ELOC: variants seen among roughly 807,000 people sequenced by gnomAD.
ELOC encodes elongin-C.
For synonymous variants in ELOC, 40 were observed against 51.3 expected (o/e 0.78, Z 0.94); for missense variants, 38 against 139.0 (o/e 0.27, Z 3.65).
At chr8:73,957,300 G>C (rs187656250) in intron 2 of ELOC, among the ~76,000 whole-genome samples, 10 of 152,198 alleles carry the variant, frequency 6.6e-5, no homozygotes, top group African/African-American at 2.4e-4. Context: ...AGAGTGCACA[G>C]ATGTTACTCT....
chr8:73,947,740 A>G (rs1813475167), intron 3 of ELOC, among the ~76,000 whole-genome samples: 1 of 151,726 alleles, frequency 6.6e-6, no homozygotes, highest in African/African-American at 2.4e-5. Flanking sequence ...ATGTCTGGAT[A>G]ATTCTTGTAT....
chr8:73,954,809 A>G (rs1319114543), intron 3 of ELOC, among the ~76,000 whole-genome samples: 1 of 151,930 alleles, frequency 6.6e-6, no homozygotes, highest in African/African-American at 2.4e-5. Context: ...AGGCGGGTGC[A>G]CTGCCTGAGG....
At chr8:73,950,946 C>T (rs1425229500) in intron 3 of ELOC, among the ~76,000 whole-genome samples, 1 of 152,080 alleles carries the variant, frequency 6.6e-6, no homozygotes, top group African/African-American at 2.4e-5. Flanking sequence ...TGAAATACTC[C>T]AAAAAAGTAG....
At chr8:73,963,074 G>C (rs989597447) in intron 1 of ELOC, among the ~76,000 whole-genome samples, 3 of 152,162 alleles carry the variant, frequency 2.0e-5, no homozygotes, top group African/African-American at 4.8e-5. Flanking sequence ...AATAGTTCTA[G>C]GCAGAAGAAA....
chr8:73,954,800 G>A (rs917696219), intron 3 of ELOC, among the ~76,000 whole-genome samples: 3 of 151,934 alleles, frequency 2.0e-5, no homozygotes, highest in East Asian at 3.9e-4. Context: ...GGGAGGCTGA[G>A]GCGGGTGCAC....
chr8:73,971,747 G>C (rs963923597), intron 1 of ELOC: 1 of 151,924 alleles, frequency 6.6e-6, no homozygotes, highest in Non-Finnish European at 1.5e-5. Flanking sequence ...CGGACACGAG[G>C]AACAAGCAGA....
intron 1 of ELOC, among the ~76,000 whole-genome samples, chr8:73,967,305 T>C (rs1815054495): frequency 6.6e-6 from 1 of 152,052 alleles, no homozygotes; most frequent in Admixed American, 6.6e-5. Flanking sequence ...AAAATAAGTA[T>C]TTTTTGCTTA....
intron 3 of ELOC, among the ~76,000 whole-genome samples, chr8:73,950,860 C>T (rs1813706539): frequency 2.0e-5 from 3 of 152,150 alleles, no homozygotes; most frequent in Admixed American, 6.5e-5. Context: ...AATGGCCTGC[C>T]TGGAAATAAA....
chr8:73,959,354 G>A (rs1359509760), intron 2 of ELOC, among the ~76,000 whole-genome samples: 1 of 152,130 alleles, frequency 6.6e-6, no homozygotes, highest in East Asian at 1.9e-4. Flanking sequence ...GACTATAAGC[G>A]TGAGCCACTG....
intron 3 of ELOC, among the ~76,000 whole-genome samples, chr8:73,949,943 G>C (rs1032488460): frequency 1.3e-5 from 2 of 151,952 alleles, no homozygotes; most frequent in Non-Finnish European, 2.9e-5. Flanking sequence ...GCATTGTCCT[G>C]TGGAAAAGCC....
intron 1 of ELOC, among the ~76,000 whole-genome samples, chr8:73,962,984 T>C (rs1814707002): frequency 6.6e-6 from 1 of 152,218 alleles, no homozygotes; most frequent in Non-Finnish European, 1.5e-5. Flanking sequence ...AGCTTGAACA[T>C]GTATTCCATC....
chr8:73,963,515 T>C (rs1170122042), intron 1 of ELOC, among the ~76,000 whole-genome samples: 2 of 152,226 alleles, frequency 1.3e-5, no homozygotes, highest in African/African-American at 4.8e-5. Context: ...TAAGTTGATT[T>C]TGCATCCCGT....
intron 3 of ELOC, among the ~76,000 whole-genome samples, chr8:73,950,243 C>T (rs1211792615): frequency 1.3e-5 from 2 of 152,082 alleles, no homozygotes; most frequent in Non-Finnish European, 2.9e-5. Context: ...CTCTTTCTGA[C>T]ATAAAAATGA....
At chr8:73,957,166 C>A (rs1814248028) in intron 2 of ELOC, among the ~76,000 whole-genome samples, 1 of 138,056 alleles carries the variant, frequency 7.2e-6, no homozygotes, top group Non-Finnish European at 1.6e-5. Flanking sequence ...GAGAAAGACC[C>A]TGTCTCAAAA....
At chr8:73,951,511 G>A (rs1057003431) in intron 3 of ELOC, among the ~76,000 whole-genome samples, 1 of 151,962 alleles carries the variant, frequency 6.6e-6, no homozygotes, top group African/African-American at 2.4e-5. Context: ...TTTAAAAAAA[G>A]GTGCATGCCT....
At chr8:73,971,847 CT>C (rs1238561697) in intron 1 of ELOC, 1 of 152,446 alleles carries the variant, frequency 6.6e-6, no homozygotes, top group Non-Finnish European at 1.5e-5. Context: ...GCTGCCCCTC[CT>C]TCCACCTCTT....
At chr8:73,962,254 A>T (rs1461206713) in intron 1 of ELOC, among the ~76,000 whole-genome samples, 1 of 152,168 alleles carries the variant, frequency 6.6e-6, no homozygotes, top group African/African-American at 2.4e-5. Context: ...GAGATGAGAA[A>T]CACTGGAAGA....
intron 1 of ELOC, chr8:73,964,617 A>G (rs1302084815): frequency 6.6e-6 from 1 of 152,176 alleles, no homozygotes; most frequent in Non-Finnish European, 1.5e-5. Context: ...TGGGCCACAC[A>G]GCAAGACTCT....
rs1264517869 is a variant in ELOC at position 73,972,147 on chromosome 8, C to G, written c.-121G>C. On this transcript the variant is annotated 5_prime_UTR_variant, in exon 1 of 4. Transcript: ENST00000520242. Reference sequence around the variant, plus strand: ...CAGCCCCTATCCCAGGGCCGCCCCCCCACCCCCAGCTGCCTGCTCCGGTGG... The same window carrying G: ...CAGCCCCTATCCCAGGGCCGCCCCCGCACCCCCAGCTGCCTGCTCCGGTGG... 6.6e-6 allele frequency: 1 copy of G among 152,494 alleles called. No individual in the cohort carries two copies. Among genetic ancestry groups the G allele is most frequent in the South Asian group, 2.1e-4 (1 of 4,844 alleles). The allele number at this position is 152,494 out of a possible 1,614,324, so 9.4% of individuals were successfully genotyped here. A position where few individuals can be genotyped will look rare whatever the true frequency, so the allele number is the denominator to read the frequency against.
Sources: allele counts gnomAD v4.1 joint callset (sites outside exome capture counted in the v4.1 genomes callset), GRCh38; gene constraint gnomAD v4.1.1; transcripts MANE v1.5; gene names NCBI Gene and HGNC (gene_info 2026-07-23, HGNC 2026-07-21).